Variants in ERBB4 observed in about 807,000 individuals in gnomAD.
ERBB4 encodes erb-b2 receptor tyrosine kinase 4.
ERBB4 carries 42 observed loss-of-function variants against 158.0 expected under a neutral mutation model. That is an observed-to-expected ratio of 0.27 (90% confidence interval 0.21 to 0.34). The LOEUF (loss-of-function observed/expected upper bound fraction) is 0.34. Ranked by LOEUF, ERBB4 falls within the 10% of genes least tolerant of loss-of-function variation. The pLI, the probability that ERBB4 is intolerant of heterozygous loss-of-function variation, is 1.00. For synonymous variants in ERBB4, 583 were observed against 558.7 expected (o/e 1.04, Z -0.61); for missense variants, 1,333 against 1,624.1 (o/e 0.82, Z 3.08).
At chr2:211,574,999 T>C (rs1373012063) in intron 19 of ERBB4, among the ~76,000 whole-genome samples, 2 of 152,180 alleles carry the variant, frequency 1.3e-5, no homozygotes, top group Non-Finnish European at 2.9e-5. Flanking sequence ...TTGTCCAGTA[T>C]AAAATATATT....
intron 1 of ERBB4, among the ~76,000 whole-genome samples, chr2:212,208,317 A>C (rs773003543): frequency 1.3e-5 from 2 of 152,150 alleles, no homozygotes; most frequent in Admixed American, 1.3e-4. Context: ...AGCTTTCCAC[A>C]TGCCCATAAA....
chr2:212,391,039 G>T (rs992197415), intron 1 of ERBB4, among the ~76,000 whole-genome samples: 1 of 151,716 alleles, frequency 6.6e-6, no homozygotes, highest in Non-Finnish European at 1.5e-5. Flanking sequence ...AACCTCATCA[G>T]TTCACTTTCA....
intron 17 of ERBB4, among the ~76,000 whole-genome samples, chr2:211,628,673 G>A (rs1487209417): frequency 6.6e-6 from 1 of 152,098 alleles, no homozygotes; most frequent in Non-Finnish European, 1.5e-5. Context: ...ATAATCCTTT[G>A]GGTATATACC....
intron 1 of ERBB4, among the ~76,000 whole-genome samples, chr2:212,449,715 T>C (rs1487808963): frequency 6.6e-6 from 1 of 152,154 alleles, no homozygotes; most frequent in East Asian, 1.9e-4. Flanking sequence ...TCAAATTCTG[T>C]TCACTGATCC....
At chr2:211,567,790 T>G (rs1417503888) in intron 19 of ERBB4, among the ~76,000 whole-genome samples, 3 of 150,916 alleles carry the variant, frequency 2.0e-5, no homozygotes, top group Non-Finnish European at 4.4e-5. Context: ...AGCTTGCATT[T>G]TTTTTTTTTT....
intron 1 of ERBB4, among the ~76,000 whole-genome samples, chr2:212,239,062 A>AT (rs1473687449): frequency 1.3e-5 from 2 of 152,112 alleles, no homozygotes; most frequent in East Asian, 1.9e-4. Context: ...CTTTTTTAAA[A>AT]TTTTTTAAAG....
At chr2:211,742,117 G>A (rs1268743055) in intron 5 of ERBB4, among the ~76,000 whole-genome samples, 1 of 152,236 alleles carries the variant, frequency 6.6e-6, no homozygotes, top group Non-Finnish European at 1.5e-5. Flanking sequence ...ATGTTGGCGT[G>A]TACAAAGACT....
At chr2:211,700,585 T>G (rs1260034125) in intron 12 of ERBB4, among the ~76,000 whole-genome samples, 2 of 152,188 alleles carry the variant, frequency 1.3e-5, no homozygotes, top group Non-Finnish European at 2.9e-5. Flanking sequence ...TGAGCTGCCT[T>G]AAATTATTTC....
chr2:212,437,259 C>T (rs2092158044), intron 1 of ERBB4, among the ~76,000 whole-genome samples: 1 of 151,984 alleles, frequency 6.6e-6, no homozygotes, highest in Non-Finnish European at 1.5e-5. Flanking sequence ...TCTGCTAGAA[C>T]TTATTCCAGC....
At chr2:212,352,343 T>C (rs2089290797) in intron 1 of ERBB4, among the ~76,000 whole-genome samples, 1 of 151,186 alleles carries the variant, frequency 6.6e-6, no homozygotes, top group Admixed American at 6.6e-5. Flanking sequence ...AAAAAACACT[T>C]TATTTTAGAT....
At chr2:211,806,559 A>G (rs2076621018) in intron 3 of ERBB4, among the ~76,000 whole-genome samples, 1 of 152,210 alleles carries the variant, frequency 6.6e-6, no homozygotes, top group African/African-American at 2.4e-5. Flanking sequence ...CCCAGGAAGT[A>G]ACTAAAGAGA....
rs2069692067 is a variant in ERBB4, at chr2:211,623,039, AT to A, written c.2202+882del. ...TATATATATATATATATATATATATATATATAAAATGCCAAAGTAACTTTTG... is the reference window on the plus strand; with the variant it reads ...TATATATATATATATATATATATATAATATAAAATGCCAAAGTAACTTTTG... On this transcript the variant is annotated intron_variant, in intron 18 of 27. Coordinates refer to ENST00000342788, the MANE Select transcript of ERBB4 (RefSeq NM_005235.3). 4.7e-5 allele frequency among the ~76,000 whole-genome samples: 5 copies of A among 106,792 alleles called. No homozygotes were observed. In the South Asian group the frequency reaches 9.8e-4, roughly 21 times the overall value. 70.1% of individuals were successfully genotyped at this position (106,792 alleles called of 152,430 possible). A position where few individuals can be genotyped will look rare whatever the true frequency, so the allele number is the denominator to read the frequency against.
chr2:211,812,951 T>C (rs1174311914), intron 3 of ERBB4, among the ~76,000 whole-genome samples: 1 of 152,222 alleles, frequency 6.6e-6, no homozygotes, highest in Non-Finnish European at 1.5e-5. Context: ...CTGTCTGTCA[T>C]GGCTTCCCTT....
intron 4 of ERBB4, among the ~76,000 whole-genome samples, chr2:211,760,898 T>C (rs191671736): frequency 6.6e-6 from 1 of 152,288 alleles, no homozygotes; most frequent in Admixed American, 6.5e-5. Flanking sequence ...TACTACCATT[T>C]GTTTTATTTT....
chr2:212,054,696 A>G (rs2077500329), intron 2 of ERBB4, among the ~76,000 whole-genome samples: 1 of 152,194 alleles, frequency 6.6e-6, no homozygotes. Flanking sequence ...GAGAGCAGAA[A>G]AGGGACAAAA....
At chr2:211,484,615 G>T (rs2065161421) in intron 20 of ERBB4, among the ~76,000 whole-genome samples, 1 of 152,064 alleles carries the variant, frequency 6.6e-6, no homozygotes, top group Non-Finnish European at 1.5e-5. Flanking sequence ...TGAATAAAAA[G>T]CATAATTTCA....
At chr2:211,668,364 A>G (rs141832532) in intron 14 of ERBB4, among the ~76,000 whole-genome samples, 1 of 152,328 alleles carries the variant, frequency 6.6e-6, no homozygotes, top group African/African-American at 2.4e-5. Flanking sequence ...TCTCATTTCC[A>G]TAATAAAGAG....
chr2:212,238,011 G>C (rs2083942424), intron 1 of ERBB4, among the ~76,000 whole-genome samples: 1 of 152,198 alleles, frequency 6.6e-6, no homozygotes, highest in South Asian at 2.1e-4. Flanking sequence ...TAGCTTGCTG[G>C]GCTCCATGGG....
chr2:211,408,102 A>C (rs73985428), intron 25 of ERBB4, among the ~76,000 whole-genome samples: 52 of 136,348 alleles, frequency 3.8e-4, no homozygotes, highest in Middle Eastern at 3.9e-3. Flanking sequence ...TAAATAAATA[A>C]ATACATACAT....
Sources: gnomAD v4.1 joint callset for allele counts (sites outside exome capture counted in the v4.1 genomes callset) on GRCh38, gnomAD v4.1.1 for gene constraint, MANE v1.5 for transcripts, NCBI Gene and HGNC (gene_info 2026-07-23, HGNC 2026-07-21) for gene names.